WNT2B: variants seen among roughly 807,000 people sequenced by gnomAD.
WNT2B encodes Wnt family member 2B, also known as protein Wnt-2b.
Under a neutral mutation model 40.5 loss-of-function variants are expected in WNT2B, and 19 were observed. The ratio of observed to expected loss-of-function variants is 0.47; its 90% CI spans 0.33 to 0.69. WNT2B has a LOEUF of 0.69. Ranked by LOEUF, WNT2B falls within the 30% of genes least tolerant of loss-of-function variation. The probability of loss-of-function intolerance (pLI) is 0.02; values close to 1 mark genes in which losing one functional copy is unlikely to be tolerated. For synonymous variants in WNT2B, 220 were observed against 211.9 expected, an observed-to-expected ratio of 1.04 and a Z score of -0.33; for missense variants, 467 against 556.4, an observed-to-expected ratio of 0.84 and a Z score of 1.62.
intron 1 of WNT2B, among the ~76,000 whole-genome samples, chr1:112,512,553 A>T (rs559326992): frequency 6.6e-6 from 1 of 152,320 alleles, no homozygotes; most frequent in Non-Finnish European, 1.5e-5. Context: ...ATTGGCCAAA[A>T]GCAGGTGAAG....
At chr1:112,469,377 T>G (rs1365041481) in intron 1 of WNT2B, among the ~76,000 whole-genome samples, 1 of 152,188 alleles carries the variant, frequency 6.6e-6, no homozygotes, top group African/African-American at 2.4e-5. Context: ...AAAATGACAT[T>G]GGTATTTTGA....
chr1:112,512,703 T>G (rs1652398460), intron 1 of WNT2B, among the ~76,000 whole-genome samples: 1 of 152,236 alleles, frequency 6.6e-6, no homozygotes, highest in African/African-American at 2.4e-5. Flanking sequence ...CCCTGACATC[T>G]GAGCTCAGTG....
At chr1:112,495,134 TA>T (rs1365691069) in intron 1 of WNT2B, among the ~76,000 whole-genome samples, 1 of 151,382 alleles carries the variant, frequency 6.6e-6, no homozygotes, top group Non-Finnish European at 1.5e-5. Flanking sequence ...AAAAAATAAG[TA>T]TAACTAATAT....
At chr1:112,501,412 A>G (rs770242207) in intron 1 of WNT2B, among the ~76,000 whole-genome samples, 16 of 152,204 alleles carry the variant, frequency 1.1e-4, no homozygotes, top group South Asian at 2.1e-4. Context: ...ACACTTAAGT[A>G]GTAGGGAGTT....
chr1:112,506,517 C>T (rs1652110161), upstream of WNT2B, among the ~76,000 whole-genome samples: 1 of 152,166 alleles, frequency 6.6e-6, no homozygotes, highest in African/African-American at 2.4e-5. Flanking sequence ...GAAATAAACA[C>T]AGGGCCAGAG....
At chr1:112,488,591 G>A (rs182204196) in intron 1 of WNT2B, among the ~76,000 whole-genome samples, 33 of 144,610 alleles carry the variant, frequency 2.3e-4, no homozygotes, top group Non-Finnish European at 3.8e-4. Context: ...TCGCTCTGTC[G>A]CCCATGCTGG....
chr1:112,514,700 A>G (rs1652465526), intron 1 of WNT2B, 174 bp from the exon 2 acceptor site: 1 of 656,050 alleles, frequency 1.5e-6, no homozygotes, highest in Non-Finnish European at 2.7e-6. Flanking sequence ...ATAACTATTA[A>G]TACTTCTTCA....
intron 1 of WNT2B, among the ~76,000 whole-genome samples, chr1:112,501,152 C>G (rs1344955935): frequency 6.6e-6 from 1 of 152,138 alleles, no homozygotes; most frequent in African/African-American, 2.4e-5. Context: ...TGTAGAATGT[C>G]CCCCTGGTGG....
chr1:112,497,086 C>G (rs1651800183), intron 1 of WNT2B, among the ~76,000 whole-genome samples: 1 of 152,224 alleles, frequency 6.6e-6, no homozygotes, highest in African/African-American at 2.4e-5. Context: ...TGAGCAGCCC[C>G]ACTCCCACAG....
intron 1 of WNT2B, chr1:112,467,633 A>T (rs1437237911): frequency 1.3e-6 from 1 of 770,556 alleles, no homozygotes; most frequent in East Asian, 2.4e-5. Flanking sequence ...ACTTGTACCT[A>T]ATTTTCTCCT....
rs1011691115 is a variant in WNT2B at position 112,517,324 on chromosome 1, C to T, written c.885C>T (p.Thr295=). Residue 295 remains threonine (T), a synonymous_variant, in exon 4 of 5, where the codon ACC becomes ACT. Transcript: ENST00000369684. The part of the protein sequence containing the change: ...TAARQGYRRA[T]RTDLVYFDNS... The stretch of plus-strand genomic sequence containing the variant: ...CCCGCCAAGGCTATCGCCGTGCCAC[C>T]CGGACTGATCTTGTCTACTTTGACA... 1.9e-6 allele frequency: 3 copies of T among 1,613,748 alleles called. No individual in the cohort carries two copies. Among genetic ancestry groups the T allele is most frequent in the Non-Finnish European group, 1.7e-6 (2 of 1,179,644 alleles).
At chr1:112,491,062 T>A in intron 1 of WNT2B, 5 of 1,614,090 alleles carry the variant, frequency 3.1e-6, no homozygotes, top group Non-Finnish European at 4.2e-6. Context: ...ACAGTCAGCG[T>A]TCAACAAGTG....
At chr1:112,495,290 C>G (rs1345682848) in intron 1 of WNT2B, among the ~76,000 whole-genome samples, 1 of 151,518 alleles carries the variant, frequency 6.6e-6, no homozygotes, top group Non-Finnish European at 1.5e-5. Context: ...ATAAATCCAG[C>G]TATAGGCCAG....
chr1:112,512,899 A>G lies in WNT2B; in HGVS notation c.183-1975A>G, dbSNP rs562114664. On this transcript the variant is annotated intron_variant, in intron 1 of 4. Transcript: ENST00000369684. The stretch of plus-strand genomic sequence containing the variant: ...CTTAGTGGAGTAAGGGTGGTAATAG[A>G]GACATTTAATTATCTTCCCATCTTA... 2.0e-5 allele frequency among the ~76,000 whole-genome samples: 3 copies of G among 152,312 alleles called. No individual in the cohort carries two copies. In the East Asian group the frequency reaches 5.8e-4, roughly 29 times the overall value.
chr1:112,514,195 G>C (rs1031957738), intron 1 of WNT2B, among the ~76,000 whole-genome samples: 1 of 152,188 alleles, frequency 6.6e-6, no homozygotes, highest in African/African-American at 2.4e-5. Context: ...ATCCAGGTTG[G>C]GGAAGATGGT....
rs372863576 is a variant in WNT2B at position 112,519,018 on chromosome 1, G to A, written c.947-1262G>A. Among the ~76,000 whole-genome samples the A allele has an allele frequency of 7.2e-5, 11 of 152,288 alleles. No individual in the cohort carries two copies. The East Asian group carries it at 1.2e-3, about 16-fold the overall frequency. On this transcript the variant is annotated intron_variant, in intron 4 of 4. Coordinates refer to ENST00000369684, the MANE Select transcript of WNT2B (RefSeq NM_024494.3). ...TTAATTTAGATGTAAAAGACCATAT[G>A]TGACTAGTGGCTGCTACCCTGGACA...
intron 1 of WNT2B, among the ~76,000 whole-genome samples, chr1:112,485,369 G>A (rs1227772818): frequency 2.0e-5 from 3 of 151,886 alleles, no homozygotes; most frequent in East Asian, 1.9e-4. Context: ...GCTGAGGCAC[G>A]AGGATTGCTT....
intron 1 of WNT2B, among the ~76,000 whole-genome samples, chr1:112,480,634 G>T (rs1234625302): frequency 2.6e-5 from 4 of 151,976 alleles, no homozygotes; most frequent in Non-Finnish European, 5.9e-5. Flanking sequence ...GGCTTCATAG[G>T]TGAATTCTAC....
At position 112,521,129 on chromosome 1, in the gene WNT2B, TTC is replaced by T. The variant is rs1173737827; in HGVS notation, c.*626_*627del. 4.6e-5 allele frequency: 7 copies of T among 153,180 alleles called. No individual in the cohort carries two copies. The East Asian group carries it at 5.8e-4, about 13-fold the overall frequency. The allele number at this position is 153,180 out of a possible 1,614,324, so 9.5% of individuals were successfully genotyped here. The stretch of plus-strand genomic sequence containing the variant: ...TCATAACAATACAAACACACATTCA[TTC>T]TCTCTTTTTCTCTCTACCATTCTCA... On this transcript the variant is annotated 3_prime_UTR_variant, in exon 5 of 5. Transcript: ENST00000369684.
Sources: gnomAD v4.1 joint callset for allele counts (sites outside exome capture counted in the v4.1 genomes callset) on GRCh38, gnomAD v4.1.1 for gene constraint, MANE v1.5 for transcripts, NCBI Gene and HGNC (gene_info 2026-07-23, HGNC 2026-07-21) for gene names.